CAMK2G: variants seen among roughly 807,000 people sequenced by gnomAD.
The protein encoded by CAMK2G is calcium/calmodulin-dependent protein kinase type II subunit gamma.
Under a neutral mutation model 88.7 loss-of-function variants are expected in CAMK2G, and 23 were observed. That is an observed-to-expected ratio of 0.26 (90% CI 0.19 to 0.37). The LOEUF is 0.37. Ranked by LOEUF, CAMK2G falls within the 10% of genes least tolerant of loss-of-function variation. CAMK2G has a pLI of 1.00. For synonymous variants in CAMK2G, 263 were observed against 294.8 expected (o/e 0.89, Z 1.11); for missense variants, 476 against 780.8 (o/e 0.61, Z 4.65).
intron 14 of CAMK2G, 85 bp downstream of exon 14, chr10:73,837,383 G>A (rs554760984): frequency 4.8e-6 from 5 of 1,048,566 alleles, no homozygotes; most frequent in South Asian, 1.3e-5. Context: ...AGATTCCCTG[G>A]GAAAGGGGGA....
intron 2 of CAMK2G, 72 bp downstream of exon 2, chr10:73,872,917 T>C: frequency 1.0e-6 from 1 of 967,312 alleles, no homozygotes. Context: ...CCCCAATTCC[T>C]GGGGCTTCCT....
At chr10:73,852,146 C>A in intron 5 of CAMK2G, 108 bp downstream of exon 5, 1 of 814,352 alleles carries the variant, frequency 1.2e-6, no homozygotes, top group South Asian at 1.4e-5. Context: ...TTCTGATCTT[C>A]CCCAAAGACT....
At position 73,847,238 on chromosome 10, in the gene CAMK2G, T is replaced by C; in HGVS notation, c.806A>G (p.His269Arg). ...KRITADQALKHPWVCQRSTVA... is the reference protein window; with the variant it reads ...KRITADQALKRPWVCQRSTVA... ...AAAGACACTTACACAGACCCACGGG[T>C]GCTTGAGAGCCTGGTCAGCCGTGAT... The change falls in exon 10 of 23, where the codon CAC (histidine) becomes CGC (arginine). Residue 269 changes from histidine (H) to arginine (R), a missense_variant. His to Arg is a conservative substitution (Grantham distance 29). Coordinates refer to ENST00000423381, the MANE Select transcript of CAMK2G (RefSeq NM_001367534.1). 6.2e-7 allele frequency: 1 copy of C among 1,614,164 alleles called. No individual in the cohort carries two copies. Among genetic ancestry groups the C allele is most frequent in the Non-Finnish European group, 8.5e-7 (1 of 1,180,016 alleles).
intron 15 of CAMK2G, among the ~76,000 whole-genome samples, chr10:73,827,650 G>A (rs895599358): frequency 3.3e-5 from 5 of 152,198 alleles, no homozygotes; most frequent in African/African-American, 1.2e-4. Context: ...GCAGAGCCAG[G>A]AGAGCGAGAC....
intron 21 of CAMK2G, chr10:73,816,309 G>C (rs1483381229): frequency 5.0e-6 from 5 of 990,758 alleles, no homozygotes; most frequent in Non-Finnish European, 6.0e-6. Context: ...ATCACCAACA[G>C]TGCCCTGGTT....
In CAMK2G at chr10:73,843,488, T is replaced by C. The variant is rs530614385; in HGVS notation, c.820-947A>G. On this transcript the variant is annotated intron_variant, in intron 10 of 22. Coordinates refer to ENST00000423381, the MANE Select transcript of CAMK2G (RefSeq NM_001367534.1). The stretch of plus-strand genomic sequence containing the variant: ...TCAGCTGTCAATACCAGCATCATTA[T>C]GTAATTTCAGAATATAGTGATGTCC... Among the ~76,000 whole-genome samples the C allele has an allele frequency of 2.0e-5, 3 of 152,322 alleles. No individual in the cohort carries two copies. In the East Asian group the frequency reaches 5.8e-4, roughly 29 times the overall value.
chr10:73,825,480 A>G (rs948696681), intron 15 of CAMK2G, 133 bp from the exon 16 acceptor site: 24 of 692,402 alleles, frequency 3.5e-5, no homozygotes, highest in Non-Finnish European at 5.8e-5. Context: ...AACGCTGTGT[A>G]GATGGGAGCG....
At chr10:73,862,815 A>T (rs889404908) in intron 2 of CAMK2G, among the ~76,000 whole-genome samples, 4 of 152,196 alleles carry the variant, frequency 2.6e-5, no homozygotes, top group Non-Finnish European at 5.9e-5. Context: ...CTTCACATCC[A>T]TAGCTGCCAA....
At chr10:73,855,699 T>C (rs1389552553) in intron 3 of CAMK2G, among the ~76,000 whole-genome samples, 1 of 152,128 alleles carries the variant, frequency 6.6e-6, no homozygotes, top group Non-Finnish European at 1.5e-5. Context: ...GGGAAGGGAA[T>C]TAGAAGAAAG....
Position 73,848,981 on chromosome 10 carries a change from G to A in CAMK2G, c.517+32C>T, listed in dbSNP as rs773549395. On this transcript the variant is annotated intron_variant, in intron 7 of 22. Coordinates refer to ENST00000423381, the MANE Select transcript of CAMK2G (RefSeq NM_001367534.1). The surrounding 1 kb of genome is among the most constrained non-coding windows in gnomAD (Gnocchi z 4.5). ...ATCAGGAAGAGGAGGAAGGGCGGGG[G>A]CTGCATTCCGGGAAGACAGGATCAC... 2.9e-5 allele frequency: 38 copies of A among 1,311,748 alleles called. No individual in the cohort carries two copies. Among genetic ancestry groups the A allele is most frequent in the Middle Eastern group, 1.8e-4 (1 of 5,552 alleles). The allele number at this position is 1,311,748 out of a possible 1,614,324, so 81.3% of individuals were successfully genotyped here. A position where few individuals can be genotyped will look rare whatever the true frequency, so the allele number is the denominator to read the frequency against.
At position 73,871,313 on chromosome 10, in the gene CAMK2G, GA is replaced by G. The variant is rs2095821599; in HGVS notation, c.160+1675del. ...GGTCATGGAAATTTACGCAGGTAGG[GA>G]AGGAGTAGGAAATGAAAGCCCCAGT... is the stretch of plus-strand genomic sequence containing the variant. On this transcript the variant is annotated intron_variant, in intron 2 of 22. Transcript: ENST00000423381. Among the ~76,000 whole-genome samples the G allele has an allele frequency of 2.0e-5, 3 of 152,166 alleles. No individual in the cohort carries two copies. The South Asian group carries it at 6.2e-4, about 31-fold the overall frequency.
rs2094433866 is a variant in CAMK2G, at chr10:73,848,889, G to A, written c.517+124C>T. ...GACTTACTGTACTGAGTCGCGTACG[G>A]CCAAGAGAGATCTCGGAGGCCAGGA... is the stretch of plus-strand genomic sequence containing the variant. On this transcript the variant is annotated intron_variant, in intron 7 of 22. Coordinates refer to ENST00000423381, the MANE Select transcript of CAMK2G (RefSeq NM_001367534.1). The surrounding 1 kb of genome is among the most constrained non-coding windows in gnomAD (Gnocchi z 4.5). The A allele has an allele frequency of 9.2e-6, 7 of 763,578 alleles. No homozygotes were observed. The highest frequency in any genetic ancestry group is 7.1e-5 in the Admixed American group (4 of 56,528). The allele number at this position is 763,578 out of a possible 1,614,324, so 47.3% of individuals were successfully genotyped here. A position where few individuals can be genotyped will look rare whatever the true frequency, so the allele number is the denominator to read the frequency against.
At chr10:73,823,404 CAG>C (rs1301549204) in intron 17 of CAMK2G, among the ~76,000 whole-genome samples, 3 of 151,974 alleles carry the variant, frequency 2.0e-5, no homozygotes, top group African/African-American at 7.3e-5. Flanking sequence ...TTAGTAGAGA[CAG>C]GGTTTCACCA....
chr10:73,874,167 C>G (rs2095987357), intron 1 of CAMK2G, among the ~76,000 whole-genome samples: 1 of 148,988 alleles, frequency 6.7e-6, no homozygotes, highest in Non-Finnish European at 1.5e-5. Flanking sequence ...TCTGCGGTGT[C>G]CGCGGCGGCG....
At position 73,855,006 on chromosome 10, in the gene CAMK2G, A is replaced by G. The variant is rs184261861; in HGVS notation, c.221-1760T>C. On this transcript the variant is annotated intron_variant, in intron 3 of 22. Transcript: ENST00000423381. ...CCTCCCATTATTGGATATAATGTAT[A>G]TATCCAATATACATTCTCTCCTGGG... Among the ~76,000 whole-genome samples the G allele has an allele frequency of 1.6e-3, 236 of 152,256 alleles. 1 individual carries two copies. The highest frequency in any genetic ancestry group is 5.4e-3 in the African/African-American group (223 of 41,538).
At chr10:73,840,737 G>A (rs187628671) in intron 12 of CAMK2G, among the ~76,000 whole-genome samples, 1 of 152,368 alleles carries the variant, frequency 6.6e-6, no homozygotes, top group East Asian at 1.9e-4. Flanking sequence ...TGGGCTAAAA[G>A]AGAAGCAGCA....
Position 73,819,246 on chromosome 10 carries a change from C to T in CAMK2G, c.1363+286G>A, listed in dbSNP as rs149283310. Among the ~76,000 whole-genome samples, 803 of 152,270 alleles carry T rather than the reference C, an allele frequency of 5.3e-3. 7 individuals are homozygous for T. Among genetic ancestry groups the T allele is most frequent in the African/African-American group, 0.019 (769 of 41,546 alleles). ...GACTCTGCCCTTCTTCCTGGCTCAG[C>T]GCTGAGGCAAGGCCCACTGCACATC... On this transcript the variant is annotated intron_variant, in intron 19 of 22. Coordinates refer to ENST00000423381, the MANE Select transcript of CAMK2G (RefSeq NM_001367534.1).
In CAMK2G at chr10:73,817,006, A is replaced by C; in HGVS notation, c.1534+17T>G. 2 of 1,614,142 alleles carry C rather than the reference A, an allele frequency of 1.2e-6. No individual in the cohort carries two copies. Among genetic ancestry groups the C allele is most frequent in the Non-Finnish European group, 1.7e-6 (2 of 1,179,982 alleles). Reference sequence around the variant, plus strand: ...AAGGGGCAGGCAGGAGTATATCAGCAGCACGAACCCACTCACGATTCTCAA... The same window carrying C: ...AAGGGGCAGGCAGGAGTATATCAGCCGCACGAACCCACTCACGATTCTCAA... On this transcript the variant is annotated intron_variant, in intron 21 of 22. Coordinates refer to ENST00000423381, the MANE Select transcript of CAMK2G (RefSeq NM_001367534.1).
At position 73,839,573 on chromosome 10, in the gene CAMK2G, C is replaced by T. The variant is rs1434612461; in HGVS notation, c.975G>A (p.Ser325=). The T allele has an allele frequency of 1.3e-5, 16 of 1,234,488 alleles. No homozygotes were observed. Among genetic ancestry groups the T allele is most frequent in the South Asian group, 4.1e-5 (1 of 24,560 alleles). The allele number at this position is 1,234,488 out of a possible 1,614,324, so 76.5% of individuals were successfully genotyped here. The change falls in exon 13 of 23, where the codon TCG becomes TCA. Residue 325 remains serine (S), a synonymous_variant. Transcript: ENST00000423381. This position sits in a 1 kb window ranked among gnomAD's most constrained non-coding sequence, Gnocchi z 4.2. ...CCAGGCCGGCGGCGCTCGCGGCAGG[C>T]GAGGCGGGGGCGGAGCTCTGCCTGC... ...SVGRQSSAPA[S]PAASAAGLAG... is the part of the protein sequence containing the mutation.
Sources: allele counts gnomAD v4.1 joint callset (sites outside exome capture counted in the v4.1 genomes callset), GRCh38; gene constraint gnomAD v4.1.1; non-coding constraint Gnocchi (gnomAD v3.1); transcripts MANE v1.5; gene names NCBI Gene and HGNC (gene_info 2026-07-23, HGNC 2026-07-21).